Variants in RGS7 observed in about 807,000 individuals in gnomAD.
RGS7 encodes regulator of G protein signaling 7.
RGS7 carries 27 observed loss-of-function variants against 81.1 expected under a neutral mutation model. The ratio of observed to expected loss-of-function variants is 0.33; its 90% CI spans 0.25 to 0.46. The LOEUF (loss-of-function observed/expected upper bound fraction) is 0.46. RGS7 is among the 20% of genes least tolerant of loss of function. The probability of loss-of-function intolerance (pLI) is 1.00; values close to 1 mark genes in which losing one functional copy is unlikely to be tolerated. For missense variants in RGS7, 396 were observed against 607.4 expected, an observed-to-expected ratio of 0.65 and a Z score of 3.66; for synonymous variants, 208 against 207.7, an observed-to-expected ratio of 1.00 and a Z score of -0.01.
intron 2 of RGS7, among the ~76,000 whole-genome samples, chr1:241,304,348 G>C (rs1261182544): frequency 6.6e-6 from 1 of 152,176 alleles, no homozygotes; most frequent in African/African-American, 2.4e-5. Flanking sequence ...GGAGAGCCAT[G>C]GTCACGGCTA....
chr1:240,956,241 G>T (rs1680394370), intron 4 of RGS7, among the ~76,000 whole-genome samples: 1 of 151,968 alleles, frequency 6.6e-6, no homozygotes, highest in Admixed American at 6.6e-5. Context: ...TGCCCTATCT[G>T]CCTTTCCTGT....
Position 240,806,183 on chromosome 1 carries a change from T to C in RGS7, c.1226A>G (p.Gln409Arg). The part of the protein sequence containing the change: ...LDSKSYDKTT[Q>R]NVKEPGRYTF... Reference sequence around the variant, plus strand: ...GTATCGTCCAGGTTCCTTCACGTTCTGTGTGGTTTTGTCATAACTCTTGGA... The same window carrying C: ...GTATCGTCCAGGTTCCTTCACGTTCCGTGTGGTTTTGTCATAACTCTTGGA... Residue 409 changes from glutamine (Q) to arginine (R), a missense_variant, in exon 15 of 19, where the codon CAG becomes CGG. Coordinates refer to ENST00000440928, the MANE Select transcript of RGS7 (RefSeq NM_001364886.1). 1 of 1,614,082 alleles carries C rather than the reference T, an allele frequency of 6.2e-7. No homozygotes were observed. Among genetic ancestry groups the C allele is most frequent in the South Asian group, 1.1e-5 (1 of 91,084 alleles).
intron 2 of RGS7, among the ~76,000 whole-genome samples, chr1:241,170,343 TA>T (rs558849986): frequency 2.6e-5 from 4 of 152,068 alleles, no homozygotes; most frequent in Non-Finnish European, 5.9e-5. Context: ...TCTTTAAAAT[TA>T]AAAAAATACA....
intron 6 of RGS7, among the ~76,000 whole-genome samples, chr1:240,884,190 A>C (rs3856237): frequency 0.45 from 67,941 of 151,666 alleles, 15,745 homozygotes; most frequent in East Asian, 0.53. Flanking sequence ...TTAACGTGTT[A>C]GATAAGCTTC....
chr1:240,791,510 C>T (rs1456675042), intron 18 of RGS7, among the ~76,000 whole-genome samples: 1 of 152,136 alleles, frequency 6.6e-6, no homozygotes, highest in Non-Finnish European at 1.5e-5. Context: ...TCATTGCTTT[C>T]TGGGTACTAG....
chr1:240,801,915 G>A (rs1005220701), intron 16 of RGS7, among the ~76,000 whole-genome samples: 1 of 152,150 alleles, frequency 6.6e-6, no homozygotes, highest in South Asian at 2.1e-4. Context: ...GAGCATTAAT[G>A]TCTAATAGAA....
At chr1:241,339,031 G>A (rs2082390714) in intron 2 of RGS7, among the ~76,000 whole-genome samples, 2 of 152,004 alleles carry the variant, frequency 1.3e-5, no homozygotes, top group Admixed American at 6.6e-5. Flanking sequence ...TATTTATCCT[G>A]ATGCTCTCTG....
chr1:240,885,056 G>A (rs747091186), intron 6 of RGS7, among the ~76,000 whole-genome samples: 41 of 152,030 alleles, frequency 2.7e-4, no homozygotes, highest in Non-Finnish European at 4.7e-4. Context: ...ATTTACAAGA[G>A]CAAAACAAAC....
At chr1:241,220,962 G>GC (rs1558202710) in intron 2 of RGS7, among the ~76,000 whole-genome samples, 91 of 47,254 alleles carry the variant, frequency 1.9e-3, no homozygotes, top group African/African-American at 4.5e-3. Context: ...AGGAAGGAAG[G>GC]AAGGAAGGAA....
At chr1:241,339,643 TA>T (rs1477420791) in intron 2 of RGS7, among the ~76,000 whole-genome samples, 5 of 152,250 alleles carry the variant, frequency 3.3e-5, no homozygotes, top group Admixed American at 6.5e-5. Context: ...ATTGTTGTTC[TA>T]CCGTCATAAA....
At chr1:240,985,991 A>AAATG (rs1235477853) in intron 3 of RGS7, among the ~76,000 whole-genome samples, 2 of 150,048 alleles carry the variant, frequency 1.3e-5, no homozygotes, top group Non-Finnish European at 1.5e-5. Flanking sequence ...ATAAATAAAT[A>AAATG]AATGGCTGGG....
chr1:241,090,609 T>C (rs2063812461), intron 3 of RGS7, among the ~76,000 whole-genome samples: 1 of 152,240 alleles, frequency 6.6e-6, no homozygotes, highest in Non-Finnish European at 1.5e-5. Context: ...GCTATTTCAA[T>C]TACCTTGTAA....
At position 241,351,128 on chromosome 1, in the gene RGS7, A is replaced by C. The variant is rs922874400; in HGVS notation, c.78+4571T>G. Among the ~76,000 whole-genome samples, 4 of 152,242 alleles carry C rather than the reference A, an allele frequency of 2.6e-5. No homozygotes were observed. In the East Asian group the frequency reaches 7.7e-4, roughly 29 times the overall value. ...GTCTTGTCTTGCTCTTCAAGAATGGAGCAGTCACGGCTGGGCACTGTGGCT... is the reference window on the plus strand; with the variant it reads ...GTCTTGTCTTGCTCTTCAAGAATGGCGCAGTCACGGCTGGGCACTGTGGCT... On this transcript the variant is annotated intron_variant, in intron 2 of 18. Transcript: ENST00000440928.
chr1:241,014,504 C>G (rs939181704), intron 3 of RGS7, among the ~76,000 whole-genome samples: 2 of 152,206 alleles, frequency 1.3e-5, no homozygotes, highest in Admixed American at 1.3e-4. Context: ...TACTTGTCTA[C>G]AGGTATCTAC....
intron 6 of RGS7, among the ~76,000 whole-genome samples, chr1:240,923,572 T>C (rs1323148024): frequency 6.6e-6 from 1 of 152,006 alleles, no homozygotes. Flanking sequence ...AAAACAGACA[T>C]GCAGGGATGG....
Position 241,063,747 on chromosome 1 carries a change from G to GT in RGS7, c.175+34918dup, listed in dbSNP as rs71172676. On this transcript the variant is annotated intron_variant, in intron 3 of 18. Transcript: ENST00000440928. ...CCTATTATGTACCAAGCACTGCTCTGTTTTTTTTTTATTGCATGTAAAAAT... is the reference window on the plus strand; with the variant it reads ...CCTATTATGTACCAAGCACTGCTCTGTTTTTTTTTTTATTGCATGTAAAAAT... 6.1e-3 allele frequency among the ~76,000 whole-genome samples: 894 copies of GT among 147,220 alleles called. 4 individuals are homozygous for GT. The highest frequency in any genetic ancestry group is 0.01 in the Non-Finnish European group (685 of 66,432).
chr1:241,182,159 G>GTTT (rs2071677060), intron 2 of RGS7, among the ~76,000 whole-genome samples: 4 of 152,094 alleles, frequency 2.6e-5, no homozygotes, highest in African/African-American at 9.7e-5. Flanking sequence ...GTCCATTCAC[G>GTTT]TCCCTGAACT....
chr1:241,218,202 T>C (rs530390600), intron 2 of RGS7, among the ~76,000 whole-genome samples: 3 of 152,324 alleles, frequency 2.0e-5, no homozygotes, highest in African/African-American at 4.8e-5. Context: ...CTTCCCTTTG[T>C]CCAGATGAGA....
chr1:241,276,221 T>C (rs573830479), intron 2 of RGS7, among the ~76,000 whole-genome samples: 2 of 152,322 alleles, frequency 1.3e-5, no homozygotes, highest in South Asian at 2.1e-4. Flanking sequence ...CAGCTCAGAA[T>C]GGATCAGAGC....
Sources: allele counts gnomAD v4.1 joint callset (sites outside exome capture counted in the v4.1 genomes callset), GRCh38; gene constraint gnomAD v4.1.1; transcripts MANE v1.5; gene names NCBI Gene and HGNC (gene_info 2026-07-23, HGNC 2026-07-21).